GAD1: variants seen among roughly 807,000 people sequenced by gnomAD.
The protein encoded by GAD1 is 67 kDa glutamic acid decarboxylase.
In GAD1, 35 loss-of-function variants were observed where a neutral mutation model predicts 75.2. That is an observed-to-expected ratio of 0.47 (90% CI 0.36 to 0.62). The LOEUF (loss-of-function observed/expected upper bound fraction) is 0.62. Ranked by LOEUF, GAD1 falls within the 20% of genes least tolerant of loss-of-function variation. The pLI, the probability that GAD1 is intolerant of heterozygous loss-of-function variation, is 0.00. For missense variants in GAD1, 490 were observed against 758.5 expected (o/e 0.65, Z 4.16); for synonymous variants, 257 against 271.9 (o/e 0.95, Z 0.54).
rs749207122 is a variant in GAD1, at chr2:170,858,754, T to A, written c.1522-50T>A. The A allele has an allele frequency of 2.6e-6, 4 of 1,559,726 alleles. No individual in the cohort carries two copies. The East Asian group carries it at 9.0e-5, about 35-fold the overall frequency. ...ATGCATATTGGTTTGGGAACAGCTT[T>A]CTCTCAAGTTATCCTAATTTTCTTT... is the stretch of plus-strand genomic sequence containing the variant. On this transcript the variant is annotated intron_variant, in intron 15 of 16. Transcript: ENST00000358196.
chr2:170,820,708 CCTTTCT>C (rs1701854105), intron 2 of GAD1, among the ~76,000 whole-genome samples: 1 of 152,200 alleles, frequency 6.6e-6, no homozygotes. Context: ...TCTCCCTTTC[CCTTTCT>C]TTCATTGCAA....
chr2:170,833,564 G>C (rs1702294841), intron 5 of GAD1, among the ~76,000 whole-genome samples: 2 of 152,228 alleles, frequency 1.3e-5, no homozygotes, highest in Non-Finnish European at 2.9e-5. Context: ...AACTTTGCCA[G>C]TTTGCTCTAC....
chr2:170,842,779 C>A, intron 6 of GAD1: 1 of 1,456,338 alleles, frequency 6.9e-7, no homozygotes, highest in Non-Finnish European at 9.1e-7. Context: ...CCTTCAGGAT[C>A]TTTTTGTCTT....
intron 12 of GAD1, among the ~76,000 whole-genome samples, chr2:170,851,188 C>A (rs1487679967): frequency 6.6e-6 from 1 of 152,118 alleles, no homozygotes; most frequent in Non-Finnish European, 1.5e-5. Flanking sequence ...AAATTGAATT[C>A]ATATTATGTC....
rs1702922977 is a variant in GAD1 at position 170,859,819 on chromosome 2, C to T, written c.1722C>T (p.Ala574=). The part of the protein sequence containing the change: ...NFFRMVISNP[A]ATQSDIDFLI... ...TCCGGATGGTCATCTCCAACCCAGC[C>T]GCTACCCAGTCTGACATTGACTTCC... Residue 574 remains alanine (A), a synonymous_variant, in exon 17 of 17, where the codon GCC becomes GCT. Transcript: ENST00000358196. The T allele has an allele frequency of 1.2e-6, 2 of 1,614,124 alleles. No individual in the cohort carries two copies. The highest frequency in any genetic ancestry group is 1.1e-5 in the South Asian group (1 of 91,066).
intron 10 of GAD1, among the ~76,000 whole-genome samples, chr2:170,847,063 T>C (rs1452498432): frequency 6.6e-6 from 1 of 152,224 alleles, no homozygotes; most frequent in Non-Finnish European, 1.5e-5. Flanking sequence ...GATCTATTAC[T>C]CTACTCCTTC....
rs756406233 is a variant in GAD1, at chr2:170,845,571, A to T, written c.817A>T (p.Thr273Ser). The change falls in exon 8 of 17, where the codon ACA becomes TCA. Residue 273 changes from threonine (T) to serine (S), a missense_variant. This residue lies in a region of GAD1 where 324 missense variants were observed against 523.9 expected (regional missense o/e 0.62). Transcript: ENST00000358196. ...ARYKYFPEVK[T>S]KGMAAVPKLV... ...CTACAAGTACTTCCCGGAAGTTAAG[A>T]CAAAGGGCATGGCGGCTGTGCCTAA... The T allele has an allele frequency of 3.7e-6, 6 of 1,614,128 alleles. No homozygotes were observed. Among genetic ancestry groups the T allele is most frequent in the East Asian group, 4.5e-5 (2 of 44,882 alleles).
intron 11 of GAD1, chr2:170,849,037 C>G: frequency 1.8e-6 from 1 of 560,292 alleles, no homozygotes. Flanking sequence ...GAACAGGCAC[C>G]TCAGGCTCAG....
Position 170,829,517 on chromosome 2 carries a change from T to C in GAD1, c.188T>C (p.Leu63Pro), listed in dbSNP as rs1208917279. ...RTNSLEEKSR[L>P]VSAFKERQSS... Reference sequence around the variant, plus strand: ...AACAGCCTGGAAGAGAAGAGTCGCCTTGTGAGTGCCTTCAAGGAGAGGCAA... The same window carrying C: ...AACAGCCTGGAAGAGAAGAGTCGCCCTGTGAGTGCCTTCAAGGAGAGGCAA... The change falls in exon 4 of 17, where the codon CTT (leucine) becomes CCT (proline). Residue 63 changes from leucine to proline, a missense_variant. Coordinates refer to ENST00000358196, the MANE Select transcript of GAD1 (RefSeq NM_000817.3). The C allele has an allele frequency of 1.9e-6, 3 of 1,613,824 alleles. No individual in the cohort carries two copies. The highest frequency in any genetic ancestry group is 1.3e-5 in the African/African-American group (1 of 75,042).
chr2:170,818,452 T>C lies in GAD1; in HGVS notation c.-63-77T>C. 1.3e-6 allele frequency: 1 copy of C among 787,014 alleles called. No individual in the cohort carries two copies. The highest frequency in any genetic ancestry group is 2.3e-6 in the Non-Finnish European group (1 of 438,878). 48.8% of individuals were successfully genotyped at this position (787,014 alleles called of 1,614,324 possible). ...GCCGGATCTTCAAGGGGAGCCTCCG[T>C]GCCCCCGGCTGCTCAGTCCCTCCGG... On this transcript the variant is annotated intron_variant, in intron 1 of 16. Coordinates refer to ENST00000358196, the MANE Select transcript of GAD1 (RefSeq NM_000817.3). The surrounding 1 kb of genome is among the most constrained non-coding windows in gnomAD (Gnocchi z 5.9).
chr2:170,827,240 T>A (rs1320396856), intron 3 of GAD1, among the ~76,000 whole-genome samples: 1 of 152,192 alleles, frequency 6.6e-6, no homozygotes, highest in African/African-American at 2.4e-5. Context: ...GAAGCAAAGC[T>A]GAATTCTCCA....
At chr2:170,842,601 G>A (rs765292147) in intron 6 of GAD1, 26 of 1,613,960 alleles carry the variant, frequency 1.6e-5, no homozygotes, top group East Asian at 2.2e-5. Context: ...TGGTTGCTAC[G>A]GTGATGGGGC....
At chr2:170,852,556 T>A in intron 12 of GAD1, 158 bp from the exon 13 acceptor site, 1 of 695,152 alleles carries the variant, frequency 1.4e-6, no homozygotes, top group South Asian at 1.6e-5. Flanking sequence ...ACTCCGAGAC[T>A]GCCTGCAAAA....
chr2:170,849,429 C>T (rs1702704349), intron 12 of GAD1, 79 bp downstream of exon 12: 1 of 1,287,296 alleles, frequency 7.8e-7, no homozygotes. Flanking sequence ...CTGCACCACC[C>T]TGCCCTGATC....
chr2:170,838,678 AC>A (rs759386564), intron 6 of GAD1, among the ~76,000 whole-genome samples: 1 of 152,058 alleles, frequency 6.6e-6, no homozygotes, highest in African/African-American at 2.4e-5. Context: ...CCTTTCAACC[AC>A]TTATGACCAG....
chr2:170,845,419 G>A, intron 7 of GAD1, 87 bp from the exon 8 acceptor site: 1 of 1,154,772 alleles, frequency 8.7e-7, no homozygotes, highest in Admixed American at 1.7e-5. Context: ...GACCTCCCTT[G>A]TCTCTTGAGA....
intron 9 of GAD1, 23 bp from the exon 10 acceptor site, chr2:170,845,986 C>T: frequency 6.2e-7 from 1 of 1,607,428 alleles, no homozygotes; most frequent in Non-Finnish European, 8.5e-7. Flanking sequence ...ATTTTAATTT[C>T]CCTCCTTTTC....
upstream of GAD1, chr2:170,816,820 C>T (rs572158214): frequency 3.4e-3 from 525 of 154,516 alleles, 5 homozygotes; most frequent in African/African-American, 0.012. Flanking sequence ...CCCCGCCGAT[C>T]CGGTCCCCGC....
intron 15 of GAD1, 59 bp from the exon 16 acceptor site, chr2:170,858,745 G>T: frequency 6.6e-7 from 1 of 1,520,094 alleles, no homozygotes; most frequent in Non-Finnish European, 9.1e-7. Flanking sequence ...ATTGGTTTGG[G>T]AACAGCTTTC....
Sources: gnomAD v4.1 joint callset for allele counts (sites outside exome capture counted in the v4.1 genomes callset) on GRCh38, gnomAD v4.1.1 for gene constraint, gnomAD v4.1.1 regional missense constraint, Gnocchi (gnomAD v3.1) non-coding constraint, MANE v1.5 for transcripts, NCBI Gene and HGNC (gene_info 2026-07-23, HGNC 2026-07-21) for gene names.